Variants in WDR72 observed in about 807,000 individuals in gnomAD.
The protein encoded by WDR72 is WD repeat-containing protein 72.
A neutral mutation model predicts 124.2 loss-of-function variants in WDR72; 120 were observed. That is an observed-to-expected ratio of 0.97 (90% CI 0.83 to 1.12). WDR72 has a LOEUF of 1.12. Ranked by LOEUF, WDR72 falls within the 50% of genes most tolerant of loss-of-function variation. WDR72 has a pLI of 0.00. For synonymous variants in WDR72, 452 were observed against 441.7 expected (o/e 1.02, Z -0.29); for missense variants, 1,387 against 1,278.8 (o/e 1.08, Z -1.29).
chr15:53,686,157 G>A (rs977243099), intron 13 of WDR72, among the ~76,000 whole-genome samples: 1 of 144,556 alleles, frequency 6.9e-6, no homozygotes, highest in Non-Finnish European at 1.5e-5. Flanking sequence ...ATCAACTAAT[G>A]AGCAAAATCA....
At chr15:53,532,133 C>A (rs1456788102) in intron 18 of WDR72, among the ~76,000 whole-genome samples, 2 of 152,024 alleles carry the variant, frequency 1.3e-5, no homozygotes, top group Non-Finnish European at 2.9e-5. Flanking sequence ...AGACAAAAGA[C>A]AGGCAATAAC....
chr15:53,613,614 C>T (rs1299336675), intron 16 of WDR72, 52 bp downstream of exon 16: 3 of 1,153,026 alleles, frequency 2.6e-6, no homozygotes, highest in Non-Finnish European at 3.9e-6. Flanking sequence ...CTAGTTATGT[C>T]CTTTCACAGA....
chr15:53,619,054 T>C (rs533510782), intron 14 of WDR72, among the ~76,000 whole-genome samples: 12 of 152,048 alleles, frequency 7.9e-5, no homozygotes, highest in Non-Finnish European at 1.2e-4. Flanking sequence ...ACATTTTTCA[T>C]TGCCAGATCT....
intron 18 of WDR72, among the ~76,000 whole-genome samples, chr15:53,586,596 T>G (rs1366793809): frequency 6.6e-6 from 1 of 152,120 alleles, no homozygotes; most frequent in Non-Finnish European, 1.5e-5. Flanking sequence ...TTTAGAGTTT[T>G]CTTTGATGAC....
At chr15:53,590,386 T>C (rs1293558590) in intron 18 of WDR72, among the ~76,000 whole-genome samples, 1 of 152,068 alleles carries the variant, frequency 6.6e-6, no homozygotes, top group Non-Finnish European at 1.5e-5. Context: ...ATTAATTACA[T>C]CTTTATTGGA....
At chr15:53,521,181 A>AAAC (rs1220092873) in intron 19 of WDR72, among the ~76,000 whole-genome samples, 1 of 152,070 alleles carries the variant, frequency 6.6e-6, no homozygotes, top group African/African-American at 2.4e-5. Flanking sequence ...AAACAAAATA[A>AAAC]AACTGCTTCT....
intron 13 of WDR72, among the ~76,000 whole-genome samples, chr15:53,673,243 T>C (rs1322370665): frequency 1.3e-5 from 2 of 152,176 alleles, no homozygotes; most frequent in East Asian, 3.9e-4. Context: ...TTAAATTACA[T>C]ACTTCCTCCT....
At chr15:53,665,994 T>C (rs2015767054) in intron 13 of WDR72, among the ~76,000 whole-genome samples, 1 of 152,234 alleles carries the variant, frequency 6.6e-6, no homozygotes, top group Non-Finnish European at 1.5e-5. Context: ...TTTGCGCTTC[T>C]TCATCCACTG....
At chr15:53,550,960 G>C (rs554840710) in intron 18 of WDR72, among the ~76,000 whole-genome samples, 1 of 152,182 alleles carries the variant, frequency 6.6e-6, no homozygotes, top group East Asian at 1.9e-4. Context: ...TAATATGAAA[G>C]AAATTCACAG....
chr15:53,659,409 C>T (rs917929445), intron 14 of WDR72, among the ~76,000 whole-genome samples: 6 of 152,124 alleles, frequency 3.9e-5, no homozygotes, highest in Non-Finnish European at 4.4e-5. Context: ...TAGGAGCATT[C>T]TCCTTTTGTG....
At chr15:53,558,969 A>C (rs2140290863) in intron 18 of WDR72, among the ~76,000 whole-genome samples, 1 of 152,100 alleles carries the variant, frequency 6.6e-6, no homozygotes, top group Non-Finnish European at 1.5e-5. Flanking sequence ...AATGTGCATG[A>C]TTTTTATTAA....
chr15:53,711,826 G>A (rs1480654860), intron 7 of WDR72, among the ~76,000 whole-genome samples: 4 of 152,070 alleles, frequency 2.6e-5, no homozygotes, highest in East Asian at 1.9e-4. Context: ...TATATATCAC[G>A]TAAATCTTTT....
rs74015926 is a variant in WDR72, at chr15:53,755,419, T to G, written c.-13+4214A>C. Among the ~76,000 whole-genome samples, 237 of 152,322 alleles carry G rather than the reference T, an allele frequency of 1.6e-3. 1 individual carries two copies. The highest frequency in any genetic ancestry group is 5.7e-3 in the African/African-American group (235 of 41,576). On this transcript the variant is annotated intron_variant, in intron 1 of 19. Coordinates refer to ENST00000360509, the MANE Select transcript of WDR72 (RefSeq NM_182758.4). ...TTTTATTTTCAATTTTAAATAATAATTACAGCTAAATACATTGTATTTCTC... is the reference window on the plus strand; with the variant it reads ...TTTTATTTTCAATTTTAAATAATAAGTACAGCTAAATACATTGTATTTCTC...
At chr15:53,749,964 C>T (rs759602449) in intron 1 of WDR72, among the ~76,000 whole-genome samples, 4 of 152,092 alleles carry the variant, frequency 2.6e-5, no homozygotes, top group East Asian at 1.9e-4. Context: ...AGGAAAGAAG[C>T]CTCCTCCATA....
At position 53,665,590 on chromosome 15, in the gene WDR72, C is replaced by T; in HGVS notation, c.1944G>A (p.Gln648=). 1 of 1,613,778 alleles carries T rather than the reference C, an allele frequency of 6.2e-7. No homozygotes were observed. Among genetic ancestry groups the T allele is most frequent in the Non-Finnish European group, 8.5e-7 (1 of 1,179,810 alleles). The part of the protein sequence containing the change: ...QLGPLPCPGL[Q]VESSCKVTDA... ...AACTTACCTTACATGAAGACTCCAC[C>T]TGCAGACCAGGGCAAGGTAATGGCC... Residue 648 remains glutamine (Q), a synonymous_variant, in exon 14 of 20, where the codon CAG becomes CAA. Coordinates refer to ENST00000360509, the MANE Select transcript of WDR72 (RefSeq NM_182758.4).
intron 14 of WDR72, among the ~76,000 whole-genome samples, chr15:53,636,472 G>A (rs978062596): frequency 2.0e-5 from 3 of 151,958 alleles, no homozygotes; most frequent in Non-Finnish European, 2.9e-5. Flanking sequence ...TAAATCGGGA[G>A]GAACAGATTC....
chr15:53,742,197 T>C (rs902049434), intron 1 of WDR72, among the ~76,000 whole-genome samples: 25 of 152,222 alleles, frequency 1.6e-4, no homozygotes, highest in African/African-American at 4.8e-4. Flanking sequence ...CCCAGAAACG[T>C]AGTGTCTTGC....
chr15:53,656,313 G>A (rs1309080860), intron 14 of WDR72, among the ~76,000 whole-genome samples: 1 of 152,126 alleles, frequency 6.6e-6, no homozygotes. Flanking sequence ...TGCCTTCAGG[G>A]CATCACTATT....
chr15:53,539,993 G>A (rs12915842), intron 18 of WDR72, among the ~76,000 whole-genome samples: 18,881 of 152,118 alleles, frequency 0.12, 1,380 homozygotes, highest in Non-Finnish European at 0.16. Flanking sequence ...ATATTATTGA[G>A]CATGGTGGAA....
Sources: allele counts gnomAD v4.1 joint callset (sites outside exome capture counted in the v4.1 genomes callset), GRCh38; gene constraint gnomAD v4.1.1; transcripts MANE v1.5; gene names NCBI Gene and HGNC (gene_info 2026-07-23, HGNC 2026-07-21).